Variants in RGL2 observed in about 807,000 individuals in gnomAD.
The protein encoded by RGL2 is ral guanine nucleotide dissociation stimulator like 2, also known as ral guanine nucleotide dissociation stimulator-like 2.
A neutral mutation model predicts 84.6 loss-of-function variants in RGL2; 40 were observed. That is an observed-to-expected ratio of 0.47 (90% CI 0.37 to 0.62). The LOEUF (loss-of-function observed/expected upper bound fraction) is 0.62, where lower values mean the gene tolerates loss of function less well. Ranked by LOEUF, RGL2 falls within the 20% of genes least tolerant of loss-of-function variation. The probability of loss-of-function intolerance (pLI) is 0.00; values close to 1 mark genes in which losing one functional copy is unlikely to be tolerated. For synonymous variants in RGL2, 369 were observed against 417.3 expected (o/e 0.88, Z 1.41); for missense variants, 865 against 1,019.7 (o/e 0.85, Z 2.07).
chr6:33,300,762 G>GC (rs1418207261), upstream of RGL2: 1 of 151,830 alleles, frequency 6.6e-6, no homozygotes, highest in East Asian at 1.9e-4. Flanking sequence ...TTAGGAGATC[G>GC]AGACCATCCT....
At chr6:33,301,374 G>C (rs1768569578), upstream of RGL2, 1 of 199,892 alleles carries the variant, frequency 5.0e-6, no homozygotes, top group African/African-American at 2.4e-5. Flanking sequence ...AGGAATTCAA[G>C]ACCAGCCTGG....
chr6:33,297,400 C>T lies in RGL2; in HGVS notation c.157-285G>A. 3 of 410,954 alleles carry T rather than the reference C, an allele frequency of 7.3e-6. No homozygotes were observed. Among genetic ancestry groups the T allele is most frequent in the Non-Finnish European group, 1.3e-5 (3 of 229,624 alleles). 25.5% of individuals were successfully genotyped at this position (410,954 alleles called of 1,614,324 possible). A position where few individuals can be genotyped will look rare whatever the true frequency, so the allele number is the denominator to read the frequency against. On this transcript the variant is annotated intron_variant, in intron 2 of 17. Coordinates refer to ENST00000497454, the MANE Select transcript of RGL2 (RefSeq NM_004761.5). This position sits in a 1 kb window ranked among gnomAD's most constrained non-coding sequence, Gnocchi z 4.0. ...TTCTGATCCTGGAGACCCCCAAAGC[C>T]CCTTCTCCCCAGAGCTGAACCCACA... is the stretch of plus-strand genomic sequence containing the variant.
chr6:33,297,870 A>G lies in RGL2; in HGVS notation c.156+585T>C, dbSNP rs1388135784. 6.6e-6 allele frequency: 1 copy of G among 152,244 alleles called. No homozygotes were observed. Among genetic ancestry groups the G allele is most frequent in the African/African-American group, 2.4e-5 (1 of 41,382 alleles). 9.4% of individuals were successfully genotyped at this position (152,244 alleles called of 1,614,324 possible). On this transcript the variant is annotated intron_variant, in intron 2 of 17. Transcript: ENST00000497454. This position sits in a 1 kb window ranked among gnomAD's most constrained non-coding sequence, Gnocchi z 4.0. ...ATTCTGGCCCCTCCTGAGGCCCGAA[A>G]TCCTGCTCCTGGCCACCACCATTAA... is the stretch of plus-strand genomic sequence containing the variant.
In RGL2 at chr6:33,296,415, CTG is replaced by C; in HGVS notation, c.467_468del (p.Thr156ArgfsTer16). 6.2e-7 allele frequency: 1 copy of C among 1,611,166 alleles called. No homozygotes were observed. Among genetic ancestry groups the C allele is most frequent in the Non-Finnish European group, 8.5e-7 (1 of 1,178,382 alleles). On this transcript the variant is annotated frameshift_variant and splice_region_variant, in exon 5 of 18. Coordinates refer to ENST00000497454, the MANE Select transcript of RGL2 (RefSeq NM_004761.5). LOFTEE classifies it high-confidence loss of function. This position sits in a 1 kb window ranked among gnomAD's most constrained non-coding sequence, Gnocchi z 5.0. ...SHPTDELERT[T>X]EVAISVLSTW... ...GATTAAGAACCAGGGGTCACTCACTCTGTTGTCCTCTCTAGTTCGTCGGTAGG... is the reference window on the plus strand; with the variant it reads ...GATTAAGAACCAGGGGTCACTCACTCTTGTCCTCTCTAGTTCGTCGGTAGG...
Position 33,291,872 on chromosome 6 carries a change from C to T in RGL2, c.*230G>A. ...TCCAGCACTACCTGTGTGCTGCACT[C>T]ATGGAAGGTGGGAAGCTATACACAG... On this transcript the variant is annotated 3_prime_UTR_variant, in exon 18 of 18. Transcript: ENST00000497454. The T allele has an allele frequency of 1.7e-6, 1 of 603,844 alleles. No homozygotes were observed. The highest frequency in any genetic ancestry group is 2.7e-5 in the East Asian group (1 of 36,410). The allele number at this position is 603,844 out of a possible 1,614,324, so 37.4% of individuals were successfully genotyped here.
In RGL2 at chr6:33,293,581, C is replaced by T. The variant is rs1767646231; in HGVS notation, c.1604+23G>A. 2 of 1,613,002 alleles carry T rather than the reference C, an allele frequency of 1.2e-6. No homozygotes were observed. Among genetic ancestry groups the T allele is most frequent in the Non-Finnish European group, 1.7e-6 (2 of 1,179,298 alleles). ...AAAAGTGGAAGTCCCAAGAAACCACCCCCCAGCCAGTGAATCTCTCACTCT... is the reference window on the plus strand; with the variant it reads ...AAAAGTGGAAGTCCCAAGAAACCACTCCCCAGCCAGTGAATCTCTCACTCT... On this transcript the variant is annotated intron_variant, in intron 14 of 17. Transcript: ENST00000497454. The surrounding 1 kb of genome is among the most constrained non-coding windows in gnomAD (Gnocchi z 7.0).
Position 33,294,716 on chromosome 6 carries a change from A to G in RGL2, c.1325T>C (p.Leu442Pro), listed in dbSNP as rs771375446. ...CAACTCATCCTTGGAGGCTGCATCCAGCATCACAAGGTCCTTCAGGAAGGT... is the reference window on the plus strand; with the variant it reads ...CAACTCATCCTTGGAGGCTGCATCCGGCATCACAAGGTCCTTCAGGAAGGT... ...LGTFLKDLVM[L>P]DAASKDELEN... The change falls in exon 11 of 18, where the codon CTG (leucine) becomes CCG (proline). Residue 442 changes from leucine (L) to proline (P), a missense_variant. This residue lies in a region of RGL2 where 75 missense variants were observed against 130.8 expected (regional missense o/e 0.57). Transcript: ENST00000497454. This position sits in a 1 kb window ranked among gnomAD's most constrained non-coding sequence, Gnocchi z 5.0. 1 of 1,614,066 alleles carries G rather than the reference A, an allele frequency of 6.2e-7. No homozygotes were observed. The highest frequency in any genetic ancestry group is 8.5e-7 in the Non-Finnish European group (1 of 1,180,008).
rs1407947692 is a variant in RGL2, at chr6:33,294,668, C to T, written c.1353+20G>A. 4 of 1,499,954 alleles carry T rather than the reference C, an allele frequency of 2.7e-6. No homozygotes were observed. Among genetic ancestry groups the T allele is most frequent in the Non-Finnish European group, 3.6e-6 (4 of 1,095,958 alleles). The allele number at this position is 1,499,954 out of a possible 1,614,324, so 92.9% of individuals were successfully genotyped here. A position where few individuals can be genotyped will look rare whatever the true frequency, so the allele number is the denominator to read the frequency against. ...CCCACTTGTTACATCATTGCAATGA[C>T]ACACACACACACCACTGACCTCCAA... On this transcript the variant is annotated intron_variant, in intron 11 of 17. Coordinates refer to ENST00000497454, the MANE Select transcript of RGL2 (RefSeq NM_004761.5). The surrounding 1 kb of genome is among the most constrained non-coding windows in gnomAD (Gnocchi z 5.0).
At position 33,294,012 on chromosome 6, in the gene RGL2, C is replaced by T. The variant is rs752485637; in HGVS notation, c.1386+22G>A. 5 of 1,613,990 alleles carry T rather than the reference C, an allele frequency of 3.1e-6. No homozygotes were observed. In the South Asian group the frequency reaches 3.3e-5, roughly 11 times the overall value. ...GAACATGGATAGGGAAGTCCAGCAT[C>T]CAGCCCAGACACTCCGCTCACCTTC... On this transcript the variant is annotated intron_variant, in intron 12 of 17. Coordinates refer to ENST00000497454, the MANE Select transcript of RGL2 (RefSeq NM_004761.5). The surrounding 1 kb of genome is among the most constrained non-coding windows in gnomAD (Gnocchi z 5.0).
At position 33,294,311 on chromosome 6, in the gene RGL2, G is replaced by C. The variant is rs569542073; in HGVS notation, c.1354-245C>G. On this transcript the variant is annotated intron_variant, in intron 11 of 17. Transcript: ENST00000497454. The surrounding 1 kb of genome is among the most constrained non-coding windows in gnomAD (Gnocchi z 5.0). ...GTCTGCTTTGCAGATGAGAGGACTG[G>C]ATAGTATCCAATTCGACAGGATTCC... Among the ~76,000 whole-genome samples the C allele has an allele frequency of 2.5e-4, 38 of 152,142 alleles. No homozygotes were observed. The highest frequency in any genetic ancestry group is 3.5e-4 in the Non-Finnish European group (24 of 67,998).
In RGL2 at chr6:33,295,256, T is replaced by TCA. The variant is rs1160938605; in HGVS notation, c.1125-47_1125-46dup. Reference sequence around the variant, plus strand: ...GGCCCTGAGGACAGGCCTGGCTCTGTCACCCCCTCTTCCCCGCCTTCTGAG... The same window carrying TCA: ...GGCCCTGAGGACAGGCCTGGCTCTGTCACACCCCCTCTTCCCCGCCTTCTGAG... On this transcript the variant is annotated intron_variant, in intron 8 of 17. Coordinates refer to ENST00000497454, the MANE Select transcript of RGL2 (RefSeq NM_004761.5). The surrounding 1 kb of genome is among the most constrained non-coding windows in gnomAD (Gnocchi z 7.2). 2 of 1,569,498 alleles carry TCA rather than the reference T, an allele frequency of 1.3e-6. No individual in the cohort carries two copies. Among genetic ancestry groups the TCA allele is most frequent in the South Asian group, 2.3e-5 (2 of 86,156 alleles).
rs578090878 is a variant in RGL2 at position 33,297,502 on chromosome 6, G to C, written c.157-387C>G. The C allele has an allele frequency of 4.5e-6, 1 of 224,196 alleles. No individual in the cohort carries two copies. Among genetic ancestry groups the C allele is most frequent in the African/African-American group, 2.3e-5 (1 of 43,718 alleles). The allele number at this position is 224,196 out of a possible 1,614,324, so 13.9% of individuals were successfully genotyped here. ...AAGCCAGAGGCAGCGACTAGGGGTA[G>C]CTGAAACCTCAGTCCAGGCACTGCC... On this transcript the variant is annotated intron_variant, in intron 2 of 17. Transcript: ENST00000497454. This position sits in a 1 kb window ranked among gnomAD's most constrained non-coding sequence, Gnocchi z 4.0.
Position 33,295,883 on chromosome 6 carries a change from C to T in RGL2, c.769-124G>A. 6.9e-7 allele frequency: 1 copy of T among 1,446,148 alleles called. No individual in the cohort carries two copies. 89.6% of individuals were successfully genotyped at this position (1,446,148 alleles called of 1,614,324 possible). A position where few individuals can be genotyped will look rare whatever the true frequency, so the allele number is the denominator to read the frequency against. On this transcript the variant is annotated intron_variant, in intron 6 of 17. Coordinates refer to ENST00000497454, the MANE Select transcript of RGL2 (RefSeq NM_004761.5). This position sits in a 1 kb window ranked among gnomAD's most constrained non-coding sequence, Gnocchi z 7.2. ...GGCACAGGGTTTGAAGGGTAACGAC[C>T]AAAGGGAAAAGGGGAGAATCAAAAT...
rs749605973 is a variant in RGL2, at chr6:33,292,024, A to G, written c.*78T>C. ...TTCTGAATTTCTGTCTCAATGTGAT[A>G]TAATTGCCACCATTCAGGATGGCTA... On this transcript the variant is annotated 3_prime_UTR_variant, in exon 18 of 18. Transcript: ENST00000497454. The G allele has an allele frequency of 6.8e-6, 10 of 1,476,556 alleles. No homozygotes were observed. In the Admixed American group the frequency reaches 1.5e-4, roughly 23 times the overall value. The allele number at this position is 1,476,556 out of a possible 1,614,324, so 91.5% of individuals were successfully genotyped here. A position where few individuals can be genotyped will look rare whatever the true frequency, so the allele number is the denominator to read the frequency against.
In RGL2 at chr6:33,293,311, G is replaced by T; in HGVS notation, c.1717-5C>A. On this transcript the variant is annotated splice_polypyrimidine_tract_variant and splice_region_variant and intron_variant, in intron 15 of 17. Coordinates refer to ENST00000497454, the MANE Select transcript of RGL2 (RefSeq NM_004761.5). This position sits in a 1 kb window ranked among gnomAD's most constrained non-coding sequence, Gnocchi z 7.0. ...GACAGATGGCCACTTCATGTGCTAG[G>T]AACAAACAACATGGGACTGGCATGA... is the stretch of plus-strand genomic sequence containing the variant. The T allele has an allele frequency of 6.4e-7, 1 of 1,557,090 alleles. No individual in the cohort carries two copies. The highest frequency in any genetic ancestry group is 8.7e-7 in the Non-Finnish European group (1 of 1,153,442).
At position 33,294,961 on chromosome 6, in the gene RGL2, C is replaced by G. The variant is rs1249515237; in HGVS notation, c.1278+16G>C. The G allele has an allele frequency of 1.3e-6, 2 of 1,564,360 alleles. No individual in the cohort carries two copies. Among genetic ancestry groups the G allele is most frequent in the South Asian group, 2.3e-5 (2 of 85,274 alleles). On this transcript the variant is annotated intron_variant, in intron 10 of 17. Transcript: ENST00000497454. The surrounding 1 kb of genome is among the most constrained non-coding windows in gnomAD (Gnocchi z 5.0). ...TAATCACCACCCCCACGCCCACCAC[C>G]CCGCTAGTCACTCACCCCACCCCGG...
chr6:33,295,322 G>T lies in RGL2; in HGVS notation c.1121C>A (p.Thr374Asn). ...TCCAATGCCTCAGCCTCCGCACCTG[G>T]TTGCTTCCCCCCAGGCTGCCCGAAG... ...HRLRAAWGEATRDSLRVFSSL... is the reference protein window; with the variant it reads ...HRLRAAWGEANRDSLRVFSSL... The change falls in exon 8 of 18, where the codon ACC becomes AAC. Residue 374 changes from threonine (T) to asparagine (N), a missense_variant. Thr to Asn is a moderately conservative substitution (Grantham distance 65, BLOSUM62 0). Around this residue, in one of 5 missense-constraint regions of RGL2, gnomAD observed 455 missense variants for 507.8 expected, o/e 0.90. Transcript: ENST00000497454. This position sits in a 1 kb window ranked among gnomAD's most constrained non-coding sequence, Gnocchi z 7.2. The T allele has an allele frequency of 6.4e-7, 1 of 1,573,386 alleles. No individual in the cohort carries two copies. The highest frequency in any genetic ancestry group is 2.3e-5 in the East Asian group (1 of 42,900).
Position 33,293,306 on chromosome 6 carries a change from G to A in RGL2, c.1717C>T (p.His573Tyr), listed in dbSNP as rs1472408797. The change falls in exon 16 of 18, where the codon CAC (histidine) becomes TAC (tyrosine). Residue 573 changes from histidine (H) to tyrosine (Y), a missense_variant and splice_region_variant. By Grantham distance (83) the His-to-Tyr change is moderately conservative (BLOSUM62 2). Transcript: ENST00000497454. This position sits in a 1 kb window ranked among gnomAD's most constrained non-coding sequence, Gnocchi z 7.0. Reference protein sequence around the residue: ...PAPLLTRLAQHMKWPSVSSLD... With the variant: ...PAPLLTRLAQYMKWPSVSSLD... ...GACGAGACAGATGGCCACTTCATGT[G>A]CTAGGAACAAACAACATGGGACTGG... 1.9e-6 allele frequency: 3 copies of A among 1,556,214 alleles called. No individual in the cohort carries two copies. The highest frequency in any genetic ancestry group is 2.6e-6 in the Non-Finnish European group (3 of 1,152,300).
upstream of RGL2, chr6:33,301,235 A>G (rs1752337671): frequency 6.5e-6 from 1 of 153,822 alleles, no homozygotes; most frequent in Non-Finnish European, 1.4e-5. Flanking sequence ...CCACTGTCCT[A>G]GAGCTCCAAG....
Sources: allele counts gnomAD v4.1 joint callset (sites outside exome capture counted in the v4.1 genomes callset), GRCh38; gene constraint gnomAD v4.1.1; regional missense constraint gnomAD v4.1.1; non-coding constraint Gnocchi (gnomAD v3.1); transcripts MANE v1.5; gene names NCBI Gene and HGNC (gene_info 2026-07-23, HGNC 2026-07-21).